Variants in TBC1D16 observed in about 807,000 individuals in gnomAD.
TBC1D16 encodes TBC1 domain family member 16.
Under a neutral mutation model 74.7 loss-of-function variants are expected in TBC1D16, and 58 were observed. The ratio of observed to expected loss-of-function variants is 0.78; its 90% CI spans 0.63 to 0.97. The LOEUF is 0.97. TBC1D16 is among the 50% of genes least tolerant of loss of function. The pLI, the probability that TBC1D16 is intolerant of heterozygous loss-of-function variation, is 0.00. For synonymous variants in TBC1D16, 493 were observed against 474.7 expected (o/e 1.04, Z -0.50); for missense variants, 1,014 against 1,079.5 (o/e 0.94, Z 0.85).
intron 3 of TBC1D16, among the ~76,000 whole-genome samples, chr17:80,006,183 GCTCTCGCTCT>G (rs571538259): frequency 9.2e-5 from 14 of 151,924 alleles, no homozygotes; most frequent in South Asian, 2.1e-4. Flanking sequence ...CACCAGGAGC[GCTCTCGCTCT>G]CTCTCGCTCT....
chr17:79,969,827 A>G (rs949371777), intron 3 of TBC1D16, among the ~76,000 whole-genome samples: 4 of 152,142 alleles, frequency 2.6e-5, no homozygotes, highest in African/African-American at 9.7e-5. Context: ...CTGTAATCCC[A>G]GCTACTTGGG....
At chr17:79,964,963 T>C (rs1165389291) in intron 3 of TBC1D16, among the ~76,000 whole-genome samples, 1 of 152,186 alleles carries the variant, frequency 6.6e-6, no homozygotes, top group Non-Finnish European at 1.5e-5. Flanking sequence ...ATACTAAAAC[T>C]ATAATGTGAT....
rs1366873700 is a variant in TBC1D16, at chr17:79,979,380, C to T, written c.780-26562G>A. Among the ~76,000 whole-genome samples the T allele has an allele frequency of 2.0e-5, 3 of 152,186 alleles. No individual in the cohort carries two copies. The highest frequency in any genetic ancestry group is 7.2e-5 in the African/African-American group (3 of 41,462). ...GCAGAGGGATCAAGGGCTCAGGCATCCCCAGTGCCGCCAATCACGTGGCCC... is the reference window on the plus strand; with the variant it reads ...GCAGAGGGATCAAGGGCTCAGGCATTCCCAGTGCCGCCAATCACGTGGCCC... On this transcript the variant is annotated intron_variant, in intron 3 of 11. Transcript: ENST00000310924. This position sits in a 1 kb window ranked among gnomAD's most constrained non-coding sequence, Gnocchi z 4.8.
intron 1 of TBC1D16, among the ~76,000 whole-genome samples, chr17:80,030,296 C>G (rs151182265): frequency 6.6e-6 from 1 of 152,156 alleles, no homozygotes; most frequent in Non-Finnish European, 1.5e-5. Flanking sequence ...GAACCCCCCA[C>G]GCAGAGTGAC....
intron 7 of TBC1D16, among the ~76,000 whole-genome samples, chr17:79,949,306 A>C (rs368602964): frequency 3.9e-4 from 60 of 152,366 alleles, no homozygotes; most frequent in African/African-American, 1.4e-3. Context: ...AGCTGAGCAC[A>C]GCCCAGGGGC....
chr17:79,942,352 G>T, intron 10 of TBC1D16, 146 bp from the exon 11 acceptor site: 1 of 862,172 alleles, frequency 1.2e-6, no homozygotes, highest in Non-Finnish European at 1.7e-6. Flanking sequence ...GTGTGGCCCT[G>T]GGCAAGCTGC....
In TBC1D16 at chr17:80,008,857, T is replaced by G. The variant is rs183345860; in HGVS notation, c.779+1303A>C. Among the ~76,000 whole-genome samples the G allele has an allele frequency of 0.011, 1,657 of 152,320 alleles. 17 individuals are homozygous for G. Among genetic ancestry groups the G allele is most frequent in the Middle Eastern group, 0.034 (10 of 294 alleles). ...GAAGAACCCGTCCCACAGTCACCCC[T>G]GCTGAGGCCAGCAAAGCCTGTGTCC... is the stretch of plus-strand genomic sequence containing the variant. On this transcript the variant is annotated intron_variant, in intron 3 of 11. Transcript: ENST00000310924. The surrounding 1 kb of genome is among the most constrained non-coding windows in gnomAD (Gnocchi z 4.5).
At position 79,986,666 on chromosome 17, in the gene TBC1D16, A is replaced by T. The variant is rs2034847385; in HGVS notation, c.779+23494T>A. On this transcript the variant is annotated intron_variant, in intron 3 of 11. Coordinates refer to ENST00000310924, the MANE Select transcript of TBC1D16 (RefSeq NM_019020.4). The surrounding 1 kb of genome is among the most constrained non-coding windows in gnomAD (Gnocchi z 6.0). ...GCACCCGAGTTCTTTGCCTCTTATT[A>T]AAGGGCAGAGCCACCATGGTGGGTG... Among the ~76,000 whole-genome samples, 1 of 152,184 alleles carries T rather than the reference A, an allele frequency of 6.6e-6. No homozygotes were observed. Among genetic ancestry groups the T allele is most frequent in the Non-Finnish European group, 1.5e-5 (1 of 68,032 alleles).
At position 79,983,056 on chromosome 17, in the gene TBC1D16, A is replaced by G. The variant is rs976916606; in HGVS notation, c.779+27104T>C. On this transcript the variant is annotated intron_variant, in intron 3 of 11. Transcript: ENST00000310924. The surrounding 1 kb of genome is among the most constrained non-coding windows in gnomAD (Gnocchi z 5.6). ...GCATCCACCCCGAGCCTCTGTGTGC[A>G]GAGCTCCAAGCACAGACGTGTTCAT... 3.3e-5 allele frequency among the ~76,000 whole-genome samples: 5 copies of G among 152,246 alleles called. No individual in the cohort carries two copies. Among genetic ancestry groups the G allele is most frequent in the African/African-American group, 1.2e-4 (5 of 41,472 alleles).
chr17:80,017,790 A>G (rs906884164), intron 1 of TBC1D16, among the ~76,000 whole-genome samples: 3 of 152,116 alleles, frequency 2.0e-5, no homozygotes, highest in African/African-American at 4.8e-5. Flanking sequence ...GTGCCCTGGC[A>G]TAGACCATCT....
chr17:79,955,092 G>A (rs919846300), intron 3 of TBC1D16, among the ~76,000 whole-genome samples: 3 of 152,238 alleles, frequency 2.0e-5, no homozygotes, highest in Admixed American at 6.5e-5. Flanking sequence ...CTCCAGGCAG[G>A]AGTTGGCTTA....
intron 3 of TBC1D16, among the ~76,000 whole-genome samples, chr17:79,989,341 T>C (rs1036099624): frequency 6.6e-6 from 1 of 152,212 alleles, no homozygotes; most frequent in Admixed American, 6.5e-5. Flanking sequence ...CACTGGTGGT[T>C]GGTTCAGCAG....
At position 79,951,449 on chromosome 17, in the gene TBC1D16, C is replaced by G; in HGVS notation, c.1089+1G>C. 1 of 1,613,236 alleles carries G rather than the reference C, an allele frequency of 6.2e-7. No homozygotes were observed. The highest frequency in any genetic ancestry group is 8.5e-7 in the Non-Finnish European group (1 of 1,179,640). ...CATTCTGGGGCCGTCTGCTGGGCTA[C>G]CTGGTCTTTGAGCTGCATCTCGGTG... On this transcript the variant is annotated splice_donor_variant, in intron 5 of 11. Transcript: ENST00000310924. LOFTEE classifies it high-confidence loss of function.
chr17:79,960,771 C>CA (rs767000688), intron 3 of TBC1D16, among the ~76,000 whole-genome samples: 3,797 of 19,448 alleles, frequency 0.2, 1,578 homozygotes, highest in East Asian at 0.36. Context: ...ACCCAAAAAA[C>CA]AAAAACCCAA....
chr17:79,967,546 C>T (rs1167578045), intron 3 of TBC1D16, among the ~76,000 whole-genome samples: 4 of 152,164 alleles, frequency 2.6e-5, no homozygotes, highest in African/African-American at 7.2e-5. Flanking sequence ...CACGTACACA[C>T]ACAAGTACAA....
intron 1 of TBC1D16, among the ~76,000 whole-genome samples, chr17:80,026,685 C>T (rs2036593264): frequency 1.3e-5 from 2 of 149,916 alleles, no homozygotes; most frequent in Admixed American, 1.3e-4. Flanking sequence ...TTCCTAATGT[C>T]CTTGAATCTG....
chr17:79,995,505 G>T (rs1022097309), intron 3 of TBC1D16, among the ~76,000 whole-genome samples: 5 of 151,670 alleles, frequency 3.3e-5, no homozygotes, highest in Non-Finnish European at 5.9e-5. Context: ...TTCAGGATCG[G>T]CCGGGCGCGG....
chr17:79,973,986 C>T (rs546325611), intron 3 of TBC1D16, among the ~76,000 whole-genome samples: 17 of 152,174 alleles, frequency 1.1e-4, no homozygotes, highest in African/African-American at 4.1e-4. Context: ...TCCGCCTTCT[C>T]GCTAAAAGGA....
intron 2 of TBC1D16, among the ~76,000 whole-genome samples, chr17:80,011,670 C>CA (rs1240913469): frequency 6.6e-6 from 1 of 151,872 alleles, no homozygotes; most frequent in Admixed American, 6.6e-5. Context: ...ACTAAATGTA[C>CA]AAAAAATTAG....
Sources: allele counts gnomAD v4.1 joint callset (sites outside exome capture counted in the v4.1 genomes callset), GRCh38; gene constraint gnomAD v4.1.1; non-coding constraint Gnocchi (gnomAD v3.1); transcripts MANE v1.5; gene names NCBI Gene and HGNC (gene_info 2026-07-23, HGNC 2026-07-21).